The following RTN4 variants were observed in gnomAD, a reference collection of about 807,000 sequenced individuals.
RTN4 encodes reticulon-4.
In RTN4, 32 loss-of-function variants were observed where a neutral mutation model predicts 90.4. The ratio of observed to expected loss-of-function variants is 0.35; its 90% CI spans 0.27 to 0.48. The LOEUF (loss-of-function observed/expected upper bound fraction) is 0.48. Among genes scored for constraint, RTN4 ranks in the 20% least tolerant of loss-of-function variants. The pLI, the probability that RTN4 is intolerant of heterozygous loss-of-function variation, is 0.99. For missense variants in RTN4, 1,706 were observed against 1,430.2 expected (o/e 1.19, Z -3.11); for synonymous variants, 629 against 552.5 (o/e 1.14, Z -1.94).
chr2:55,024,188 G>A (rs949505323), intron 3 of RTN4, among the ~76,000 whole-genome samples: 1 of 152,056 alleles, frequency 6.6e-6, no homozygotes, highest in Admixed American at 6.6e-5. Context: ...GAAATCCAGG[G>A]TTCCTGGGGT....
In RTN4 at chr2:55,089,647, T is replaced by A. The variant is rs115560911; in HGVS notation, c.-213-9008A>T. 4.1e-3 allele frequency among the ~76,000 whole-genome samples: 632 copies of A among 152,360 alleles called. 3 individuals carry two copies. The highest frequency in any genetic ancestry group is 0.012 in the African/African-American group (496 of 41,578). On this transcript the variant is annotated intron_variant, in intron 1 of 3. Transcript: ENST00000427710. ...ATGTTGTCAACTGCATGTCTAGTGC[T>A]TTAGCTATTTCTGTTTCTAGTCGTC...
At position 55,050,014 on chromosome 2, in the gene RTN4, G is replaced by A; in HGVS notation, c.287C>T (p.Ala96Val). 1.4e-6 allele frequency: 2 copies of A among 1,382,090 alleles called. No individual in the cohort carries two copies. The highest frequency in any genetic ancestry group is 1.6e-5 in the South Asian group (1 of 61,438). 85.6% of individuals were successfully genotyped at this position (1,382,090 alleles called of 1,614,324 possible). Residue 96 changes from alanine (A) to valine (V), a missense_variant, in exon 1 of 9, where the codon GCC becomes GTC. Transcript: ENST00000337526. This position sits in a 1 kb window ranked among gnomAD's most constrained non-coding sequence, Gnocchi z 4.6. Reference protein sequence around the residue: ...VPPAPRGPLPAAPPVAPERQP... With the variant: ...VPPAPRGPLPVAPPVAPERQP... ...CCGCTCCGGGGCGACGGGGGGAGCG[G>A]CCGGCAGGGGTCCCCGGGGCGCCGG...
chr2:54,977,273 T>C (rs1677713807), intron 5 of RTN4, among the ~76,000 whole-genome samples: 1 of 152,184 alleles, frequency 6.6e-6, no homozygotes, highest in Non-Finnish European at 1.5e-5. Context: ...CCCAGCCCAC[T>C]TCCTTCTAAT....
rs145319486 is a variant in RTN4, at chr2:55,035,696, T to C, written c.557-7476A>G. 2.6e-5 allele frequency among the ~76,000 whole-genome samples: 4 copies of C among 151,354 alleles called. No homozygotes were observed. In the East Asian group the frequency reaches 7.8e-4, roughly 29 times the overall value. ...CAACAGAATTGATAATCAACTAAAATGATCAAGACAGAGACTGAGAGACAG... is the reference window on the plus strand; with the variant it reads ...CAACAGAATTGATAATCAACTAAAACGATCAAGACAGAGACTGAGAGACAG... On this transcript the variant is annotated intron_variant, in intron 1 of 8. Transcript: ENST00000337526.
intron 1 of RTN4, among the ~76,000 whole-genome samples, chr2:55,107,734 T>C (rs907824690): frequency 1.3e-5 from 2 of 152,112 alleles, no homozygotes; most frequent in Non-Finnish European, 2.9e-5. Context: ...ACATCAGGAA[T>C]GTCTGTGCCA....
At chr2:55,022,456 G>A (rs1411669833) in intron 3 of RTN4, among the ~76,000 whole-genome samples, 1 of 152,074 alleles carries the variant, frequency 6.6e-6, no homozygotes. Flanking sequence ...GTTTCCCTGT[G>A]GAACTTGCTA....
At chr2:55,108,950 C>G (rs1279877590) in intron 1 of RTN4, among the ~76,000 whole-genome samples, 1 of 152,030 alleles carries the variant, frequency 6.6e-6, no homozygotes, top group East Asian at 1.9e-4. Flanking sequence ...AAGAGAAGAT[C>G]AAGGCCAGCA....
chr2:55,018,239 A>G (rs1479534357), intron 3 of RTN4, among the ~76,000 whole-genome samples: 3 of 152,160 alleles, frequency 2.0e-5, no homozygotes, highest in African/African-American at 7.2e-5. Context: ...CATAAATGAT[A>G]GTCTTCCCTT....
chr2:55,076,862 G>T (rs1171724083), intron 2 of RTN4, among the ~76,000 whole-genome samples: 2 of 152,078 alleles, frequency 1.3e-5, no homozygotes, highest in African/African-American at 4.8e-5. Flanking sequence ...CCCTTTGCTT[G>T]GTACTTCTCT....
intron 1 of RTN4, among the ~76,000 whole-genome samples, chr2:55,029,205 G>C (rs978601002): frequency 7.9e-5 from 12 of 152,102 alleles, no homozygotes; most frequent in African/African-American, 2.9e-4. Flanking sequence ...CAGGAGAAGA[G>C]GCCTCAAAAA....
At chr2:55,075,048 G>T (rs1293485814) in intron 2 of RTN4, among the ~76,000 whole-genome samples, 1 of 152,132 alleles carries the variant, frequency 6.6e-6, no homozygotes, top group Non-Finnish European at 1.5e-5. Context: ...CACCACTTGT[G>T]TTCAACATAG....
intron 4 of RTN4, among the ~76,000 whole-genome samples, chr2:54,986,337 T>G (rs543845556): frequency 6.6e-6 from 1 of 152,358 alleles, no homozygotes; most frequent in African/African-American, 2.4e-5. Flanking sequence ...GCAAACTTTC[T>G]GTAAAGGGCC....
At chr2:55,120,171 G>A in the RTN4 span, among the ~76,000 whole-genome samples, 4 of 152,342 alleles carry the variant, frequency 2.6e-5, no homozygotes, top group Admixed American at 6.5e-5. Flanking sequence ...CAGCACAGCC[G>A]CATCTCTGAA....
chr2:54,998,688 C>T (rs1051205724), intron 3 of RTN4, among the ~76,000 whole-genome samples: 2 of 152,154 alleles, frequency 1.3e-5, no homozygotes, highest in Non-Finnish European at 2.9e-5. Context: ...GCTTGCTGCA[C>T]TGTCTGAATA....
intron 1 of RTN4, among the ~76,000 whole-genome samples, chr2:55,108,308 A>T (rs1360120501): frequency 1.3e-5 from 2 of 152,020 alleles, no homozygotes; most frequent in Non-Finnish European, 2.9e-5. Context: ...GTGATTAAGC[A>T]TTTTTTTAAA....
At chr2:55,121,566 G>A in the RTN4 span, among the ~76,000 whole-genome samples, 1 of 152,170 alleles carries the variant, frequency 6.6e-6, no homozygotes, top group Non-Finnish European at 1.5e-5. Context: ...TATAATCATA[G>A]AGCATCTATC....
chr2:55,071,277 C>G lies in RTN4; in HGVS notation c.-63+9212G>C, dbSNP rs1236453114. ...TCCTATTACTACCTTGCAATTAACT[C>G]TTTGTGTCTCAGTTTCATCATTTCT... On this transcript the variant is annotated intron_variant, in intron 2 of 3. Coordinates refer to the RTN4 transcript ENST00000427710. 2.6e-5 allele frequency among the ~76,000 whole-genome samples: 4 copies of G among 151,908 alleles called. No homozygotes were observed. In the East Asian group the frequency reaches 7.7e-4, roughly 29 times the overall value.
At chr2:55,090,374 A>G (rs1480922119) in intron 1 of RTN4, among the ~76,000 whole-genome samples, 1 of 152,250 alleles carries the variant, frequency 6.6e-6, no homozygotes, top group Non-Finnish European at 1.5e-5. Flanking sequence ...ATCTGCTTCC[A>G]GCAAATCTTT....
At chr2:55,013,164 T>C (rs1225449244) in intron 3 of RTN4, among the ~76,000 whole-genome samples, 1 of 152,136 alleles carries the variant, frequency 6.6e-6, no homozygotes, top group Non-Finnish European at 1.5e-5. Flanking sequence ...GTTGTATGAA[T>C]TCTAAGCCCT....
Sources: gnomAD v4.1 joint callset for allele counts (sites outside exome capture counted in the v4.1 genomes callset) on GRCh38, gnomAD v4.1.1 for gene constraint, Gnocchi (gnomAD v3.1) non-coding constraint, MANE v1.5 for transcripts, NCBI Gene and HGNC (gene_info 2026-07-23, HGNC 2026-07-21) for gene names.